DYNC1H1: variants seen among roughly 807,000 people sequenced by gnomAD.
DYNC1H1 encodes dynein cytoplasmic 1 heavy chain 1.
A neutral mutation model predicts 527.1 loss-of-function variants in DYNC1H1; 51 were observed. That is an observed-to-expected ratio of 0.10 (90% CI 0.08 to 0.12). DYNC1H1 has a LOEUF of 0.12. Ranked by LOEUF, DYNC1H1 falls within the 10% of genes least tolerant of loss-of-function variation. The pLI, the probability that DYNC1H1 is intolerant of heterozygous loss-of-function variation, is 1.00. For synonymous variants in DYNC1H1, 2,189 were observed against 2,278.8 expected (o/e 0.96, Z 1.12); for missense variants, 2,771 against 5,971.8 (o/e 0.46, Z 17.66).
chr14:102,044,114 T>C lies in DYNC1H1; in HGVS notation c.12684+69T>C, dbSNP rs2048685622. ...GGAAGGATGCTGCAGGGCGTGGTGC[T>C]GAGAGGCCAGACTCTGCGTGGAAGA... On this transcript the variant is annotated intron_variant, in intron 70 of 77. Coordinates refer to ENST00000360184, the MANE Select transcript of DYNC1H1 (RefSeq NM_001376.5). The surrounding 1 kb of genome is among the most constrained non-coding windows in gnomAD (Gnocchi z 7.1). 2 of 1,599,968 alleles carry C rather than the reference T, an allele frequency of 1.3e-6. No homozygotes were observed. The highest frequency in any genetic ancestry group is 4.5e-5 in the East Asian group (2 of 44,618).
chr14:102,045,575 C>T (rs1427348518), intron 72 of DYNC1H1, among the ~76,000 whole-genome samples: 1 of 151,894 alleles, frequency 6.6e-6, no homozygotes, highest in African/African-American at 2.4e-5. Context: ...CGCGCCATTG[C>T]ACTCCAGCTT....
intron 24 of DYNC1H1, 23 bp downstream of exon 24, chr14:102,004,706 T>C: frequency 1.2e-6 from 2 of 1,614,202 alleles, no homozygotes; most frequent in Non-Finnish European, 1.7e-6. Context: ...TCGTAACTTT[T>C]AAAACTTCTC....
chr14:101,987,851 G>T (rs1266605025), intron 9 of DYNC1H1, among the ~76,000 whole-genome samples: 1 of 152,156 alleles, frequency 6.6e-6, no homozygotes, highest in Non-Finnish European at 1.5e-5. Flanking sequence ...GCCGAGGCAG[G>T]CAGATCGCTT....
At chr14:102,028,876 G>C (rs1349855365) in intron 48 of DYNC1H1, 1 of 162,170 alleles carries the variant, frequency 6.2e-6, no homozygotes, top group Admixed American at 5.7e-5. Flanking sequence ...AGCCTCCAGA[G>C]ACCATATATA....
chr14:102,016,180 T>C lies in DYNC1H1; in HGVS notation c.7473+94T>C, dbSNP rs1219149493. On this transcript the variant is annotated intron_variant, in intron 36 of 77. Coordinates refer to ENST00000360184, the MANE Select transcript of DYNC1H1 (RefSeq NM_001376.5). This position sits in a 1 kb window ranked among gnomAD's most constrained non-coding sequence, Gnocchi z 7.3. Reference sequence around the variant, plus strand: ...ATGCTGCACCTGTGGGGATGTGCGCTCTCTCCTAGGCGAGGCAGAGCCTTC... The same window carrying C: ...ATGCTGCACCTGTGGGGATGTGCGCCCTCTCCTAGGCGAGGCAGAGCCTTC... The C allele has an allele frequency of 2.9e-5, 44 of 1,519,810 alleles. No individual in the cohort carries two copies. The highest frequency in any genetic ancestry group is 3.9e-5 in the Non-Finnish European group (44 of 1,120,992). The allele number at this position is 1,519,810 out of a possible 1,614,324, so 94.1% of individuals were successfully genotyped here.
rs1158129941 is a variant in DYNC1H1, at chr14:101,986,217, G to T, written c.1992G>T (p.Arg664=). The T allele has an allele frequency of 5.0e-6, 8 of 1,614,074 alleles. No homozygotes were observed. In the African/African-American group the frequency reaches 5.3e-5, roughly 11 times the overall value. Residue 664 remains arginine, a synonymous_variant, in exon 8 of 78, where the codon CGG becomes CGT. Coordinates refer to ENST00000360184, the MANE Select transcript of DYNC1H1 (RefSeq NM_001376.5). This position sits in a 1 kb window ranked among gnomAD's most constrained non-coding sequence, Gnocchi z 8.7. Reference sequence around the variant, plus strand: ...GGCAGCTGACGGCCTACATGAAGCGGGTGGAAGATGTCCTTGGCAAGGGCT... The same window carrying T: ...GGCAGCTGACGGCCTACATGAAGCGTGTGGAAGATGTCCTTGGCAAGGGCT... ...IDRQLTAYMK[R]VEDVLGKGWE... is the part of the protein sequence containing the mutation.
Position 102,042,721 on chromosome 14 carries a change from C to T in DYNC1H1, c.12486C>T (p.Ser4162=). 6.2e-7 allele frequency: 1 copy of T among 1,614,208 alleles called. No individual in the cohort carries two copies. Among genetic ancestry groups the T allele is most frequent in the Non-Finnish European group, 8.5e-7 (1 of 1,180,052 alleles). Residue 4162 remains serine, a synonymous_variant, in exon 69 of 78, where the codon AGC becomes AGT. Coordinates refer to ENST00000360184, the MANE Select transcript of DYNC1H1 (RefSeq NM_001376.5). This position sits in a 1 kb window ranked among gnomAD's most constrained non-coding sequence, Gnocchi z 5.7. ...GVKANMLRTF[S]SIPVSRICKS... ...AGGCCAACATGCTGAGGACGTTCAG[C>T]AGCATTCCCGTCTCACGGATATGCA...
intron 5 of DYNC1H1, among the ~76,000 whole-genome samples, chr14:101,982,162 C>T (rs1333839086): frequency 6.6e-6 from 1 of 152,170 alleles, no homozygotes; most frequent in Non-Finnish European, 1.5e-5. Flanking sequence ...GTAGATTGTG[C>T]ACTCCTTATG....
At chr14:101,977,991 A>G (rs1217795776) in intron 2 of DYNC1H1, among the ~76,000 whole-genome samples, 1 of 152,186 alleles carries the variant, frequency 6.6e-6, no homozygotes, top group East Asian at 1.9e-4. Flanking sequence ...GGCTCAAGCG[A>G]TCCTCCTGCC....
At chr14:101,996,427 G>A (rs553117605) in intron 15 of DYNC1H1, among the ~76,000 whole-genome samples, 32 of 152,198 alleles carry the variant, frequency 2.1e-4, no homozygotes, top group Non-Finnish European at 4.0e-4. Context: ...ACCATGCCCG[G>A]CCAAGTATCC....
chr14:101,993,909 A>C (rs115745988), intron 11 of DYNC1H1, among the ~76,000 whole-genome samples: 151 of 152,330 alleles, frequency 9.9e-4, no homozygotes, highest in African/African-American at 3.5e-3. Context: ...ACAGGCACTC[A>C]GATAGTTAAA....
chr14:101,986,815 AT>A lies in DYNC1H1; in HGVS notation c.2538+53del. 1.2e-6 allele frequency: 2 copies of A among 1,601,116 alleles called. No homozygotes were observed. The highest frequency in any genetic ancestry group is 2.2e-5 in the South Asian group (2 of 90,606). On this transcript the variant is annotated intron_variant, in intron 8 of 77. Coordinates refer to ENST00000360184, the MANE Select transcript of DYNC1H1 (RefSeq NM_001376.5). The surrounding 1 kb of genome is among the most constrained non-coding windows in gnomAD (Gnocchi z 8.7). ...TCCTGGTAACGAATGAAGCACAGTA[AT>A]AGCGAGCTCAGTTAAAACACTAGTT...
rs779576586 is a variant in DYNC1H1, at chr14:102,002,677, G to A, written c.4683G>A (p.Leu1561=). 6.2e-7 allele frequency: 1 copy of A among 1,614,250 alleles called. No individual in the cohort carries two copies. The highest frequency in any genetic ancestry group is 2.2e-5 in the East Asian group (1 of 44,884). ...GCAGTGCAGATATCAAGCACCTGCT[G>A]CCAGTGGAAACCCAGCGGTTTCAGA... The part of the protein sequence containing the change: ...FTGSADIKHL[L]PVETQRFQSI... Residue 1561 remains leucine, a synonymous_variant, in exon 22 of 78, where the codon CTG becomes CTA. Transcript: ENST00000360184. The surrounding 1 kb of genome is among the most constrained non-coding windows in gnomAD (Gnocchi z 4.4).
chr14:102,004,957 T>C lies in DYNC1H1; in HGVS notation c.5238+7T>C, dbSNP rs746205822. Reference sequence around the variant, plus strand: ...TTGGATTGATAAATACCAGGTAATCTATAGTAGAAGTGAGTGGGCTCGTGG... The same window carrying C: ...TTGGATTGATAAATACCAGGTAATCCATAGTAGAAGTGAGTGGGCTCGTGG... On this transcript the variant is annotated splice_region_variant and intron_variant, in intron 25 of 77. Transcript: ENST00000360184. 5.0e-6 allele frequency: 8 copies of C among 1,614,092 alleles called. 1 individual carries two copies. The East Asian group carries it at 8.9e-5, about 18-fold the overall frequency.
At chr14:102,026,532 A>AT (rs757032352) in intron 43 of DYNC1H1, 42 bp from the exon 44 acceptor site, 1 of 1,612,082 alleles carries the variant, frequency 6.2e-7, no homozygotes, top group Non-Finnish European at 8.5e-7. Flanking sequence ...AATAACTAAC[A>AT]TTTTTTTCTA....
chr14:102,015,700 G>A lies in DYNC1H1; in HGVS notation c.7243-156G>A, dbSNP rs944770283. 6.6e-6 allele frequency among the ~76,000 whole-genome samples: 1 copy of A among 152,206 alleles called. No individual in the cohort carries two copies. Among genetic ancestry groups the A allele is most frequent in the African/African-American group, 2.4e-5 (1 of 41,460 alleles). On this transcript the variant is annotated intron_variant, in intron 35 of 77. Coordinates refer to ENST00000360184, the MANE Select transcript of DYNC1H1 (RefSeq NM_001376.5). The surrounding 1 kb of genome is among the most constrained non-coding windows in gnomAD (Gnocchi z 6.9). The stretch of plus-strand genomic sequence containing the variant: ...AGTTCCTGGGAAGCAGGGTTTTTGA[G>A]AACCACCAGGGTGAAGGAATGAGGA...
At chr14:102,048,145 C>T (rs1269685255) in intron 73 of DYNC1H1, 117 bp downstream of exon 73, 30 of 1,317,194 alleles carry the variant, frequency 2.3e-5, no homozygotes, top group Admixed American at 1.0e-4. Flanking sequence ...GTACTCACAC[C>T]GGTGTCACCT....
At position 101,983,603 on chromosome 14, in the gene DYNC1H1, G is replaced by A. The variant is rs2141272613; in HGVS notation, c.1455G>A (p.Arg485=). ...GAGCTGTTATCGTCAGGGTCCTGAG[G>A]CCACAGGTAAGATTTGCATTCTAAA... ...QLRAVIVRVL[R]PQVTAVAQQN... Residue 485 remains arginine (R), a synonymous_variant, in exon 7 of 78, where the codon AGG becomes AGA. Coordinates refer to ENST00000360184, the MANE Select transcript of DYNC1H1 (RefSeq NM_001376.5). This position sits in a 1 kb window ranked among gnomAD's most constrained non-coding sequence, Gnocchi z 5.3. 1 of 1,613,950 alleles carries A rather than the reference G, an allele frequency of 6.2e-7. No homozygotes were observed. Among genetic ancestry groups the A allele is most frequent in the Non-Finnish European group, 8.5e-7 (1 of 1,179,946 alleles).
Position 102,017,969 on chromosome 14 carries a change from G to A in DYNC1H1, c.8177+465G>A. On this transcript the variant is annotated intron_variant, in intron 40 of 77. Coordinates refer to ENST00000360184, the MANE Select transcript of DYNC1H1 (RefSeq NM_001376.5). This position sits in a 1 kb window ranked among gnomAD's most constrained non-coding sequence, Gnocchi z 4.6. ...AAAATACAAAAAATTAGCCAGGCAT[G>A]GTGGCAGGTGCCTGTAGTCCCAGCT... 1 of 278,390 alleles carries A rather than the reference G, an allele frequency of 3.6e-6. No homozygotes were observed. The highest frequency in any genetic ancestry group is 3.9e-5 in the South Asian group (1 of 25,796). 17.2% of individuals were successfully genotyped at this position (278,390 alleles called of 1,614,324 possible). A position where few individuals can be genotyped will look rare whatever the true frequency, so the allele number is the denominator to read the frequency against.
Sources: allele counts gnomAD v4.1 joint callset (sites outside exome capture counted in the v4.1 genomes callset), GRCh38; gene constraint gnomAD v4.1.1; non-coding constraint Gnocchi (gnomAD v3.1); transcripts MANE v1.5; gene names NCBI Gene and HGNC (gene_info 2026-07-23, HGNC 2026-07-21).